The following CNTN5 variants were observed in gnomAD, a reference collection of about 807,000 sequenced individuals.
CNTN5 encodes the protein contactin-5.
CNTN5 carries 77 observed loss-of-function variants against 129.1 expected under a neutral mutation model. The observed-to-expected ratio is 0.60, with a 90% CI of 0.50 to 0.72. The LOEUF (loss-of-function observed/expected upper bound fraction) is 0.72. CNTN5 is among the 30% of genes least tolerant of loss of function. CNTN5 has a pLI of 0.00. For synonymous variants in CNTN5, 509 were observed against 465.6 expected, an observed-to-expected ratio of 1.09 and a Z score of -1.20; for missense variants, 1,478 against 1,328.8, an observed-to-expected ratio of 1.11 and a Z score of -1.75.
At chr11:99,650,711 A>C (rs1952123454) in intron 3 of CNTN5, among the ~76,000 whole-genome samples, 1 of 151,928 alleles carries the variant, frequency 6.6e-6, no homozygotes, top group South Asian at 2.1e-4. Flanking sequence ...TTCTACTACA[A>C]ATGAAATAAT....
chr11:99,761,733 A>G (rs1411456642), intron 3 of CNTN5, among the ~76,000 whole-genome samples: 2 of 149,040 alleles, frequency 1.3e-5, no homozygotes, highest in East Asian at 2.0e-4. Context: ...ATACGTGTGC[A>G]TGTGTCTTTA....
At chr11:99,571,204 G>A (rs1036637895) in intron 3 of CNTN5, among the ~76,000 whole-genome samples, 2 of 152,192 alleles carry the variant, frequency 1.3e-5, no homozygotes, top group Non-Finnish European at 1.5e-5. Context: ...TGTAGTAGTT[G>A]CGAGAGAAAA....
chr11:99,057,709 G>T (rs973870878), intron 1 of CNTN5, among the ~76,000 whole-genome samples: 3 of 151,820 alleles, frequency 2.0e-5, no homozygotes, highest in Non-Finnish European at 2.9e-5. Context: ...GAAAAAAAGT[G>T]CCCACTGTAA....
intron 2 of CNTN5, among the ~76,000 whole-genome samples, chr11:99,330,430 G>A (rs1037298765): frequency 6.6e-6 from 1 of 152,110 alleles, no homozygotes; most frequent in African/African-American, 2.4e-5. Context: ...TTAGAAAATG[G>A]AATAAAAAGA....
At chr11:99,892,484 A>C (rs182095570) in intron 6 of CNTN5, among the ~76,000 whole-genome samples, 2 of 152,264 alleles carry the variant, frequency 1.3e-5, no homozygotes, top group Admixed American at 1.3e-4. Context: ...TCTTTAATCC[A>C]TCGTGAGTTA....
At chr11:99,589,470 A>C (rs1332238517) in intron 3 of CNTN5, among the ~76,000 whole-genome samples, 1 of 152,362 alleles carries the variant, frequency 6.6e-6, no homozygotes, top group East Asian at 1.9e-4. Context: ...AGTAAAGCAC[A>C]TGTATATTTA....
intron 4 of CNTN5, among the ~76,000 whole-genome samples, chr11:99,844,248 AAG>A (rs1947608375): frequency 6.6e-6 from 1 of 152,172 alleles, no homozygotes; most frequent in Admixed American, 6.6e-5. Context: ...TAGTTGTATA[AAG>A]TTTTGCCATT....
chr11:99,230,656 T>C (rs187626979), intron 1 of CNTN5, among the ~76,000 whole-genome samples: 1 of 152,152 alleles, frequency 6.6e-6, no homozygotes, highest in South Asian at 2.1e-4. Context: ...TTTTTAATCT[T>C]ATACGATTTT....
chr11:99,432,439 C>CTTTT (rs1943412174), intron 2 of CNTN5, among the ~76,000 whole-genome samples: 4 of 113,212 alleles, frequency 3.5e-5, no homozygotes, highest in African/African-American at 1.2e-4. Context: ...CCTTTTCTTT[C>CTTTT]CTTTTCTTTT....
At chr11:99,282,357 A>G (rs974356041) in intron 1 of CNTN5, among the ~76,000 whole-genome samples, 7 of 151,986 alleles carry the variant, frequency 4.6e-5, no homozygotes, top group African/African-American at 1.4e-4. Context: ...AGACAAGATG[A>G]TATCTGAGTT....
chr11:99,829,995 C>T (rs930645985), intron 4 of CNTN5, among the ~76,000 whole-genome samples: 15 of 152,048 alleles, frequency 9.9e-5, no homozygotes, highest in African/African-American at 3.6e-4. Flanking sequence ...TAGGAGTAAA[C>T]TTAATTAAGT....
At chr11:100,316,250 A>G (rs1180236695) in intron 21 of CNTN5, among the ~76,000 whole-genome samples, 1 of 152,192 alleles carries the variant, frequency 6.6e-6, no homozygotes, top group Non-Finnish European at 1.5e-5. Flanking sequence ...GTAAATTGTG[A>G]TAATGGAATG....
At chr11:100,292,211 C>G (rs959674676) in intron 18 of CNTN5, among the ~76,000 whole-genome samples, 4 of 151,932 alleles carry the variant, frequency 2.6e-5, no homozygotes, top group African/African-American at 9.7e-5. Flanking sequence ...GAAAAGCTTC[C>G]ACTTAGATGG....
chr11:99,757,801 G>C (rs1415200868), intron 3 of CNTN5, among the ~76,000 whole-genome samples: 6 of 151,934 alleles, frequency 3.9e-5, no homozygotes, highest in Non-Finnish European at 5.9e-5. Context: ...AATCTTTCTG[G>C]TTATATATTA....
chr11:99,989,492 A>G (rs1938912209), intron 8 of CNTN5, among the ~76,000 whole-genome samples: 1 of 148,664 alleles, frequency 6.7e-6, no homozygotes, highest in Non-Finnish European at 1.5e-5. Flanking sequence ...AAAAGGCTCC[A>G]ATTCTTACAC....
intron 1 of CNTN5, chr11:99,120,262 C>A (rs2135405187): frequency 6.6e-6 from 1 of 152,294 alleles, no homozygotes; most frequent in South Asian, 2.1e-4. Context: ...GCTCATCTGG[C>A]TAGATGGGTG....
At chr11:99,282,405 T>A (rs1414186730) in intron 1 of CNTN5, among the ~76,000 whole-genome samples, 2 of 151,916 alleles carry the variant, frequency 1.3e-5, no homozygotes, top group Admixed American at 1.3e-4. Flanking sequence ...AAAAAGGGAA[T>A]AACATTTTTC....
chr11:99,478,648 T>C (rs184749239), intron 2 of CNTN5, among the ~76,000 whole-genome samples: 49 of 147,692 alleles, frequency 3.3e-4, no homozygotes, highest in Admixed American at 1.2e-3. Context: ...GATATATGGA[T>C]TTTTTTTTGA....
At chr11:100,191,105 C>A (rs199731501) in intron 13 of CNTN5, 21 bp from the exon 14 acceptor site, 5 of 1,464,252 alleles carry the variant, frequency 3.4e-6, no homozygotes, top group Non-Finnish European at 3.7e-6. Context: ...GAAAAAAAAA[C>A]TGTTTTTAAA....
Sources: allele counts gnomAD v4.1 joint callset (sites outside exome capture counted in the v4.1 genomes callset), GRCh38; gene constraint gnomAD v4.1.1; transcripts MANE v1.5; gene names NCBI Gene and HGNC (gene_info 2026-07-23, HGNC 2026-07-21).